Variants in ZNF518A observed in about 807,000 individuals in gnomAD.
ZNF518A encodes zinc finger protein 518.
A neutral mutation model predicts 102.7 loss-of-function variants in ZNF518A; 47 were observed. The observed-to-expected ratio is 0.46, with a 90% CI of 0.36 to 0.58. ZNF518A has a LOEUF of 0.58. ZNF518A is among the 20% of genes least tolerant of loss of function. ZNF518A has a pLI of 0.00. For missense variants in ZNF518A, 1,793 were observed against 1,699.8 expected (o/e 1.05, Z -0.96); for synonymous variants, 652 against 594.6 (o/e 1.10, Z -1.40).
At chr10:96,194,434 G>T (rs1554894197) in intron 1 of ZNF518A, among the ~76,000 whole-genome samples, 1 of 152,094 alleles carries the variant, frequency 6.6e-6, no homozygotes. Context: ...CATGACACTG[G>T]ATTTGGCAAT....
rs781863653 is a variant in ZNF518A, at chr10:96,157,901, TC to T, written c.1580del (p.Ser527Ter). 1 of 1,613,814 alleles carries T rather than the reference TC, an allele frequency of 6.2e-7. No homozygotes were observed. The highest frequency in any genetic ancestry group is 8.5e-7 in the Non-Finnish European group (1 of 1,179,756). ...SSSILSGKAS[S>X]EKEMTLISQR... ...TTCTATACTTTCAGGGAAAGCAAGT[TC>T]AGAAAAAGAAATGACTTTGATATCT... is the stretch of plus-strand genomic sequence containing the variant. On this transcript the variant is annotated frameshift_variant, in exon 6 of 6. Transcript: ENST00000316045. LOFTEE classifies it high-confidence loss of function.
intron 1 of ZNF518A, among the ~76,000 whole-genome samples, chr10:96,181,102 T>C (rs2083237468): frequency 6.6e-6 from 1 of 152,282 alleles, no homozygotes; most frequent in African/African-American, 2.4e-5. Flanking sequence ...CCAGTGATGA[T>C]GAGCACTTTT....
chr10:96,186,233 A>G (rs1395959503), intron 1 of ZNF518A, among the ~76,000 whole-genome samples: 2 of 152,002 alleles, frequency 1.3e-5, no homozygotes, highest in African/African-American at 2.4e-5. Context: ...CTGCACTCCA[A>G]CCAGTCGCAG....
intron 1 of ZNF518A, among the ~76,000 whole-genome samples, chr10:96,169,890 T>A (rs1293919919): frequency 6.6e-6 from 1 of 152,242 alleles, no homozygotes; most frequent in Non-Finnish European, 1.5e-5. Flanking sequence ...TTCTTTGCCA[T>A]TTGTGGCCAT....
At chr10:96,168,971 C>A (rs1472627723) in intron 1 of ZNF518A, among the ~76,000 whole-genome samples, 2 of 152,052 alleles carry the variant, frequency 1.3e-5, no homozygotes, top group Non-Finnish European at 2.9e-5. Flanking sequence ...CTGATGAATT[C>A]TCTTTTTTTC....
intron 1 of ZNF518A, chr10:96,189,593 T>G: frequency 1.5e-6 from 1 of 689,642 alleles, no homozygotes; most frequent in South Asian, 1.4e-5. Context: ...TTGGTGTTGA[T>G]GATGGGTTTG....
In ZNF518A at chr10:96,156,354, A is replaced by G. The variant is rs1591219238; in HGVS notation, c.32A>G (p.Asp11Gly). 1 of 1,584,460 alleles carries G rather than the reference A, an allele frequency of 6.3e-7. No homozygotes were observed. The highest frequency in any genetic ancestry group is 1.4e-5 in the African/African-American group (1 of 73,058). ...TCTGAACAGAAACAGTTATTTTGTG[A>G]TGAAAAACAAACTACTTTAAAAAAA... MPSEQKQLFCDEKQTTLKKDY... is the reference protein window; with the variant it reads MPSEQKQLFCGEKQTTLKKDY... Residue 11 changes from aspartate (D) to glycine (G), a missense_variant, in exon 6 of 6, where the codon GAT (aspartate) becomes GGT (glycine). Coordinates refer to ENST00000316045, the MANE Select transcript of ZNF518A (RefSeq NM_001330736.2).
chr10:96,173,568 C>T (rs587595363), intron 1 of ZNF518A, among the ~76,000 whole-genome samples: 11 of 152,200 alleles, frequency 7.2e-5, no homozygotes, highest in Non-Finnish European at 1.6e-4. Flanking sequence ...GTCAACTCAT[C>T]AGGAAGCTAT....
At chr10:96,189,657 T>C in intron 1 of ZNF518A, 1 of 717,134 alleles carries the variant, frequency 1.4e-6, no homozygotes, top group Non-Finnish European at 2.6e-6. Context: ...AGTATGTAGA[T>C]TTCTTCAATG....
chr10:96,156,926 T>C lies in ZNF518A; in HGVS notation c.604T>C (p.Cys202Arg), dbSNP rs781836086. ...NLTKHFTSTH[C>R]VNGNFQCEKC... ...GACAAAGCATTTCACATCCACACAT[T>C]GTGTTAATGGTAATTTTCAATGTGA... The change falls in exon 6 of 6, where the codon TGT becomes CGT. Residue 202 changes from cysteine (C) to arginine (R), a missense_variant. Transcript: ENST00000316045. 4.3e-6 allele frequency: 7 copies of C among 1,613,878 alleles called. No individual in the cohort carries two copies. The South Asian group carries it at 7.7e-5, about 18-fold the overall frequency.
intron 3 of ZNF518A, chr10:96,151,409 C>G (rs2082444956): frequency 6.6e-6 from 1 of 152,258 alleles, no homozygotes; most frequent in Admixed American, 6.5e-5. Flanking sequence ...TGCATCTCTC[C>G]TAACAGTTGG....
rs1554883741 is a variant in ZNF518A at position 96,157,713 on chromosome 10, A to G, written c.1391A>G (p.Lys464Arg). Residue 464 changes from lysine to arginine, a missense_variant, in exon 6 of 6, where the codon AAA (lysine) becomes AGA (arginine). Lys to Arg is a conservative substitution (Grantham distance 26). This residue lies in a region of ZNF518A where 1,741 missense variants were observed against 1,622.6 expected (regional missense o/e 1.07). Coordinates refer to ENST00000316045, the MANE Select transcript of ZNF518A (RefSeq NM_001330736.2). Reference protein sequence around the residue: ...QHIVLKLVPIKQNVCSPGSQS... With the variant: ...QHIVLKLVPIRQNVCSPGSQS... ...ATTGTATTAAAATTGGTGCCTATCA[A>G]ACAAAATGTATGTTCACCAGGCTCA... 6.2e-7 allele frequency: 1 copy of G among 1,613,944 alleles called. No individual in the cohort carries two copies. The highest frequency in any genetic ancestry group is 8.5e-7 in the Non-Finnish European group (1 of 1,179,802).
intron 3 of ZNF518A, chr10:96,151,584 T>C (rs2082452852): frequency 6.6e-6 from 1 of 152,200 alleles, no homozygotes; most frequent in Non-Finnish European, 1.5e-5. Flanking sequence ...TAGGGGAAGT[T>C]GTAGGCAGAA....
intron 1 of ZNF518A, among the ~76,000 whole-genome samples, chr10:96,171,637 A>G (rs2083174452): frequency 6.6e-6 from 1 of 152,192 alleles, no homozygotes; most frequent in Admixed American, 6.5e-5. Flanking sequence ...ATTGAAGTGT[A>G]CATTTTATAT....
intron 1 of ZNF518A, among the ~76,000 whole-genome samples, chr10:96,179,027 G>A (rs1342310877): frequency 6.6e-6 from 1 of 152,060 alleles, no homozygotes; most frequent in Non-Finnish European, 1.5e-5. Flanking sequence ...TCAAAAAATA[G>A]GGGAATATTT....
downstream of ZNF518A, chr10:96,204,185 C>T: frequency 7.8e-7 from 1 of 1,281,834 alleles, no homozygotes; most frequent in Non-Finnish European, 1.1e-6. Flanking sequence ...AGGCACATCA[C>T]AAATAAATCA....
rs1344446793 is a variant in ZNF518A at position 96,190,971 on chromosome 10, T to C, written n.36-12603T>C. Among the ~76,000 whole-genome samples, 6 of 152,270 alleles carry C rather than the reference T, an allele frequency of 3.9e-5. No individual in the cohort carries two copies. In the South Asian group the frequency reaches 6.2e-4, roughly 16 times the overall value. On this transcript the variant is annotated intron_variant and non_coding_transcript_variant, in intron 1 of 2. Transcript: ENST00000442635. ...TGGTTTGGCTGTGTCCTCACCCAAA[T>C]CTCATCTTGAATTGTAGCTCCCATA...
In ZNF518A at chr10:96,156,702, A is replaced by T. The variant is rs1303609988; in HGVS notation, c.380A>T (p.Asn127Ile). 1.2e-6 allele frequency: 2 copies of T among 1,613,878 alleles called. No individual in the cohort carries two copies. Among genetic ancestry groups the T allele is most frequent in the Non-Finnish European group, 1.7e-6 (2 of 1,179,774 alleles). ...LNFSCLKCRDNTRYSPNDLQK... is the reference protein window; with the variant it reads ...LNFSCLKCRDITRYSPNDLQK... The stretch of plus-strand genomic sequence containing the variant: ...TTCAGCTGTTTAAAATGCCGAGACA[A>T]CACTCGATATAGCCCAAATGATTTG... Residue 127 changes from asparagine to isoleucine, a missense_variant, in exon 6 of 6, where the codon AAC becomes ATC. Asn to Ile is a moderately radical substitution (Grantham distance 149). This residue lies in a region of ZNF518A where 1,741 missense variants were observed against 1,622.6 expected (regional missense o/e 1.07). Coordinates refer to ENST00000316045, the MANE Select transcript of ZNF518A (RefSeq NM_001330736.2).
At chr10:96,204,932 TGAGAA>T, downstream of ZNF518A, 1 of 358,176 alleles carries the variant, frequency 2.8e-6, no homozygotes. Context: ...AGCCAGAAGA[TGAGAA>T]CATTTTAGCC....
Sources: gnomAD v4.1 joint callset for allele counts (sites outside exome capture counted in the v4.1 genomes callset) on GRCh38, gnomAD v4.1.1 for gene constraint, gnomAD v4.1.1 regional missense constraint, MANE v1.5 for transcripts, NCBI Gene and HGNC (gene_info 2026-07-23, HGNC 2026-07-21) for gene names.